POLDIP3: variants seen among roughly 807,000 people sequenced by gnomAD.
The protein encoded by POLDIP3 is DNA polymerase delta interacting protein 3, also known as polymerase delta-interacting protein 3.
In POLDIP3, 14 loss-of-function variants were observed where a neutral mutation model predicts 45.1. The ratio of observed to expected loss-of-function variants is 0.31; its 90% confidence interval spans 0.20 to 0.49. The LOEUF is 0.49. Among genes scored for constraint, POLDIP3 ranks in the 20% least tolerant of loss-of-function variants. POLDIP3 has a pLI of 0.99. For synonymous variants in POLDIP3, 223 were observed against 205.2 expected, an observed-to-expected ratio of 1.09 and a Z score of -0.74; for missense variants, 511 against 538.8, an observed-to-expected ratio of 0.95 and a Z score of 0.51.
At chr22:42,589,914 C>CA (rs137096) in intron 7 of POLDIP3, among the ~76,000 whole-genome samples, 150,751 of 150,810 alleles carry the variant, frequency 1, 75,346 homozygotes, top group East Asian at 1. Context: ...AACAATGAAA[C>CA]GCACTTAAAC....
Position 42,611,860 on chromosome 22 carries a change from G to C in POLDIP3, c.59+2939C>G, listed in dbSNP as rs557634934. 7.2e-5 allele frequency among the ~76,000 whole-genome samples: 11 copies of C among 152,280 alleles called. 1 individual carries two copies. Among genetic ancestry groups the C allele is most frequent in the African/African-American group, 2.2e-4 (9 of 41,556 alleles). On this transcript the variant is annotated intron_variant, in intron 1 of 8. Transcript: ENST00000252115. ...CCATTGCACTCCAGCCTGGGCAACA[G>C]AGTGAGACTCCATCTCAAAAAAAAT...
chr22:42,601,680 G>C (rs1033198999), intron 3 of POLDIP3, among the ~76,000 whole-genome samples: 1 of 152,214 alleles, frequency 6.6e-6, no homozygotes, highest in African/African-American at 2.4e-5. Flanking sequence ...AGAATCACTT[G>C]AACCCGGGAG....
chr22:42,585,123 T>A lies in POLDIP3; in HGVS notation c.*668A>T. 4.6e-6 allele frequency: 2 copies of A among 437,712 alleles called. No individual in the cohort carries two copies. The highest frequency in any genetic ancestry group is 3.2e-5 in the South Asian group (2 of 61,888). 27.1% of individuals were successfully genotyped at this position (437,712 alleles called of 1,614,324 possible). Reference sequence around the variant, plus strand: ...AGGGAAAGGTGAACTCTGGAGAACTTCCTCTGGGTGGAGACGACACGGGAC... The same window carrying A: ...AGGGAAAGGTGAACTCTGGAGAACTACCTCTGGGTGGAGACGACACGGGAC... On this transcript the variant is annotated 3_prime_UTR_variant, in exon 9 of 9. Transcript: ENST00000252115.
intron 4 of POLDIP3, among the ~76,000 whole-genome samples, chr22:42,596,659 G>A (rs1282425072): frequency 6.6e-6 from 1 of 152,146 alleles, no homozygotes; most frequent in Non-Finnish European, 1.5e-5. Context: ...AAATTACCCA[G>A]GAGCCACAGG....
chr22:42,601,747 G>A (rs920692485), intron 3 of POLDIP3, among the ~76,000 whole-genome samples: 5 of 152,176 alleles, frequency 3.3e-5, no homozygotes, highest in East Asian at 1.9e-4. Context: ...GCGACAGAGC[G>A]AGACTCCGTC....
chr22:42,588,876 G>A (rs1030170377), intron 7 of POLDIP3, among the ~76,000 whole-genome samples: 3 of 151,988 alleles, frequency 2.0e-5, no homozygotes, highest in African/African-American at 4.8e-5. Context: ...TCCGCCTGGC[G>A]GATTACAGGA....
At chr22:42,601,392 A>G (rs1257435853) in intron 3 of POLDIP3, among the ~76,000 whole-genome samples, 2 of 150,990 alleles carry the variant, frequency 1.3e-5, no homozygotes, top group Non-Finnish European at 1.5e-5. Context: ...AAAAAAAAAA[A>G]GCGTAAAAAA....
At chr22:42,611,889 GAAAT>G (rs1035859753) in intron 1 of POLDIP3, among the ~76,000 whole-genome samples, 2 of 152,016 alleles carry the variant, frequency 1.3e-5, no homozygotes, top group African/African-American at 4.8e-5. Context: ...AAAAAATAAA[GAAAT>G]AAAATAAAAA....
chr22:42,605,552 T>G (rs2146828607), intron 1 of POLDIP3, among the ~76,000 whole-genome samples: 1 of 152,348 alleles, frequency 6.6e-6, no homozygotes, highest in African/African-American at 2.4e-5. Context: ...TTAAAGATTT[T>G]CCAGTGGGTT....
rs577676343 is a variant in POLDIP3, at chr22:42,608,256, C to A, written c.60-5096G>T. ...GATGCTGTTAATCTATAACCTTACC[C>A]CCCCCCCCAAAAAAAAATTAGCTGC... On this transcript the variant is annotated intron_variant, in intron 1 of 8. Transcript: ENST00000252115. Among the ~76,000 whole-genome samples, 354 of 124,682 alleles carry A rather than the reference C, an allele frequency of 2.8e-3. 6 individuals carry two copies. The highest frequency in any genetic ancestry group is 3.7e-3 in the Non-Finnish European group (226 of 60,572). The allele number at this position is 124,682 out of a possible 152,430, so 81.8% of individuals were successfully genotyped here.
chr22:42,608,253 A>AC (rs200089986), intron 1 of POLDIP3, among the ~76,000 whole-genome samples: 5,617 of 101,274 alleles, frequency 0.055, 444 homozygotes, highest in African/African-American at 0.2. Flanking sequence ...CTATAACCTT[A>AC]CCCCCCCCCC....
intron 3 of POLDIP3, among the ~76,000 whole-genome samples, chr22:42,600,396 G>A (rs939692487): frequency 6.6e-6 from 1 of 152,126 alleles, no homozygotes; most frequent in African/African-American, 2.4e-5. Context: ...GGAGGCCGAG[G>A]AGGGCGGATC....
At position 42,608,264 on chromosome 22, in the gene POLDIP3, C is replaced by CCA. The variant is rs34026006; in HGVS notation, c.60-5105_60-5104insTG. Among the ~76,000 whole-genome samples, 462 of 114,616 alleles carry CCA rather than the reference C, an allele frequency of 4.0e-3. 11 individuals are homozygous for CCA. The highest frequency in any genetic ancestry group is 9.2e-3 in the African/African-American group (273 of 29,744). The allele number at this position is 114,616 out of a possible 152,430, so 75.2% of individuals were successfully genotyped here. A position where few individuals can be genotyped will look rare whatever the true frequency, so the allele number is the denominator to read the frequency against. On this transcript the variant is annotated intron_variant, in intron 1 of 8. Coordinates refer to ENST00000252115, the MANE Select transcript of POLDIP3 (RefSeq NM_032311.5). The stretch of plus-strand genomic sequence containing the variant: ...TAATCTATAACCTTACCCCCCCCCC[C>CCA]AAAAAAAAATTAGCTGCAAGTGATG...
chr22:42,610,621 T>G (rs1254164215), intron 1 of POLDIP3, among the ~76,000 whole-genome samples: 1 of 152,202 alleles, frequency 6.6e-6, no homozygotes. Context: ...AGGAAGAAAC[T>G]GCTGGGCACA....
intron 1 of POLDIP3, among the ~76,000 whole-genome samples, chr22:42,607,718 C>A (rs1005410190): frequency 7.9e-5 from 12 of 151,342 alleles, no homozygotes; most frequent in Admixed American, 6.6e-5. Context: ...CTCTGCCCCG[C>A]TGCCCCGTCT....
intron 6 of POLDIP3, among the ~76,000 whole-genome samples, chr22:42,594,460 G>A (rs1216357488): frequency 3.3e-5 from 5 of 151,864 alleles, no homozygotes; most frequent in African/African-American, 7.3e-5. Context: ...GCAGTGAACC[G>A]AGATCACACC....
At chr22:42,599,416 C>G (rs1365862004) in intron 4 of POLDIP3, among the ~76,000 whole-genome samples, 1 of 152,206 alleles carries the variant, frequency 6.6e-6, no homozygotes, top group East Asian at 1.9e-4. Flanking sequence ...CCAGCCTGGC[C>G]AACATGGTGA....
intron 4 of POLDIP3, among the ~76,000 whole-genome samples, chr22:42,597,026 G>A (rs1350924634): frequency 6.6e-6 from 1 of 152,142 alleles, no homozygotes. Context: ...CCACTCTTAA[G>A]AAGGCCCAGA....
intron 2 of POLDIP3, 67 bp downstream of exon 2, chr22:42,602,703 C>A: frequency 6.6e-7 from 1 of 1,516,690 alleles, no homozygotes; most frequent in Non-Finnish European, 8.8e-7. Flanking sequence ...TCACTCCTGG[C>A]ACCTTGCCTC....
Sources: gnomAD v4.1 joint callset for allele counts (sites outside exome capture counted in the v4.1 genomes callset) on GRCh38, gnomAD v4.1.1 for gene constraint, MANE v1.5 for transcripts, NCBI Gene and HGNC (gene_info 2026-07-23, HGNC 2026-07-21) for gene names.